The following BORCS5 variants were observed in gnomAD, a reference collection of about 807,000 sequenced individuals.
BORCS5 encodes BLOC-1-related complex subunit 5.
Under a neutral mutation model 22.1 loss-of-function variants are expected in BORCS5, and 17 were observed. That is an observed-to-expected ratio of 0.77 (90% CI 0.53 to 1.15). BORCS5 has a LOEUF of 1.15. Among genes scored for constraint, BORCS5 ranks in the 50% most tolerant of loss-of-function variants. BORCS5 has a pLI of 0.00. For missense variants in BORCS5, 247 were observed against 253.2 expected (o/e 0.98, Z 0.17); for synonymous variants, 117 against 99.8 (o/e 1.17, Z -1.03).
intron 2 of BORCS5, among the ~76,000 whole-genome samples, chr12:12,429,686 C>T (rs998329367): frequency 3.3e-5 from 5 of 152,174 alleles, no homozygotes; most frequent in African/African-American, 7.2e-5. Flanking sequence ...CTACTTCCCT[C>T]GTTTCCCTCA....
At position 12,394,552 on chromosome 12, in the gene BORCS5, A is replaced by T. The variant is rs1056244238; in HGVS notation, c.202+33203A>T. 1.7e-4 allele frequency among the ~76,000 whole-genome samples: 26 copies of T among 151,614 alleles called. 1 individual carries two copies. The highest frequency in any genetic ancestry group is 5.8e-4 in the African/African-American group (24 of 41,230). ...TTTTGCCGCCCTTTAAAAAAAAAAA[A>T]TTTAAAGAGACAGAGTACGTTGCCT... On this transcript the variant is annotated intron_variant, in intron 2 of 3. Transcript: ENST00000314565.
At chr12:12,361,445 T>C in intron 2 of BORCS5, 96 bp downstream of exon 2, 2 of 1,391,156 alleles carry the variant, frequency 1.4e-6, no homozygotes, top group Non-Finnish European at 2.0e-6. Flanking sequence ...TGCTCTCTCA[T>C]CTCCTTTAGG....
intron 2 of BORCS5, among the ~76,000 whole-genome samples, chr12:12,374,152 TA>T (rs1412856690): frequency 2.0e-5 from 3 of 150,678 alleles, no homozygotes; most frequent in African/African-American, 7.4e-5. Flanking sequence ...CACGTCTGGC[TA>T]ATTTTTTTTT....
At chr12:12,365,740 C>G (rs371718007) in intron 2 of BORCS5, among the ~76,000 whole-genome samples, 6 of 152,274 alleles carry the variant, frequency 3.9e-5, no homozygotes, top group African/African-American at 1.4e-4. Context: ...TCTTATCCCC[C>G]ATGCTTCTAC....
At chr12:12,405,087 G>A (rs1941564019) in intron 2 of BORCS5, among the ~76,000 whole-genome samples, 1 of 152,166 alleles carries the variant, frequency 6.6e-6, no homozygotes, top group Non-Finnish European at 1.5e-5. Context: ...GAGAGAGCAG[G>A]AATGTCAACA....
At chr12:12,429,437 A>G (rs1942366393) in intron 2 of BORCS5, among the ~76,000 whole-genome samples, 1 of 152,164 alleles carries the variant, frequency 6.6e-6, no homozygotes, top group Non-Finnish European at 1.5e-5. Context: ...TGCTCCTGCT[A>G]TGACCCGGGG....
chr12:12,446,232 T>C (rs1285502757), intron 3 of BORCS5, among the ~76,000 whole-genome samples: 1 of 151,238 alleles, frequency 6.6e-6, no homozygotes, highest in East Asian at 1.9e-4. Context: ...ATAAGATAGA[T>C]GGCATGTAAG....
At position 12,415,130 on chromosome 12, in the gene BORCS5, C is replaced by T. The variant is rs1174200514; in HGVS notation, c.203-20498C>T. ...TGGGGGGCCAGGCAGAGACGCTCCT[C>T]ACTTCCCAGACGGGGTGGCGGCTGG... On this transcript the variant is annotated intron_variant, in intron 2 of 3. Transcript: ENST00000314565. 4.5e-4 allele frequency among the ~76,000 whole-genome samples: 68 copies of T among 151,922 alleles called. 1 individual carries two copies. Among genetic ancestry groups the T allele is most frequent in the African/African-American group, 1.4e-3 (60 of 41,444 alleles).
rs1249001078 is a variant in BORCS5 at position 12,383,355 on chromosome 12, A to G, written c.202+22006A>G. ...ATTTGTAAACCCAAAACACAGTGTC[A>G]TAGTTACTTCCTTAAGGATGTTTGT... On this transcript the variant is annotated intron_variant, in intron 2 of 3. Coordinates refer to ENST00000314565, the MANE Select transcript of BORCS5 (RefSeq NM_058169.6). Among the ~76,000 whole-genome samples the G allele has an allele frequency of 1.3e-5, 2 of 151,358 alleles. 1 individual carries two copies. Among genetic ancestry groups the G allele is most frequent in the African/African-American group, 4.9e-5 (2 of 41,158 alleles).
intron 2 of BORCS5, among the ~76,000 whole-genome samples, chr12:12,385,367 C>T (rs1863857960): frequency 6.6e-6 from 1 of 151,468 alleles, no homozygotes; most frequent in Non-Finnish European, 1.5e-5. Flanking sequence ...CCAAATAAGT[C>T]AGCAGCCGCT....
intron 2 of BORCS5, among the ~76,000 whole-genome samples, chr12:12,370,624 G>T (rs541267069): frequency 6.6e-6 from 1 of 152,138 alleles, no homozygotes; most frequent in African/African-American, 2.4e-5. Flanking sequence ...ATTCAAATCA[G>T]TGCGGGAACA....
chr12:12,440,089 A>T (rs1396283600), intron 3 of BORCS5, among the ~76,000 whole-genome samples: 2 of 152,236 alleles, frequency 1.3e-5, no homozygotes, highest in Non-Finnish European at 2.9e-5. Flanking sequence ...GATCAACTAG[A>T]GGTCCCTAAG....
intron 2 of BORCS5, among the ~76,000 whole-genome samples, chr12:12,416,394 C>CT (rs1426107048): frequency 6.6e-6 from 1 of 151,320 alleles, no homozygotes; most frequent in Non-Finnish European, 1.5e-5. Context: ...TTTCTAGTTC[C>CT]TTAAGTTGTA....
At chr12:12,437,025 C>G (rs59783239) in intron 3 of BORCS5, among the ~76,000 whole-genome samples, 3,464 of 152,282 alleles carry the variant, frequency 0.023, 123 homozygotes, top group African/African-American at 0.078. Flanking sequence ...GTTCTCCCCT[C>G]CTCCCAGTAA....
chr12:12,429,012 G>T (rs114184612), intron 2 of BORCS5, among the ~76,000 whole-genome samples: 3 of 152,146 alleles, frequency 2.0e-5, no homozygotes, highest in African/African-American at 7.2e-5. Flanking sequence ...CCAGAAGCCC[G>T]CAGAGGCCAG....
intron 2 of BORCS5, among the ~76,000 whole-genome samples, chr12:12,413,570 TG>T: frequency 6.9e-6 from 1 of 144,158 alleles, no homozygotes; most frequent in East Asian, 2.0e-4. Context: ...ATTGTCATCA[TG>T]GCCCATCCCC....
intron 3 of BORCS5, among the ~76,000 whole-genome samples, chr12:12,462,119 A>G (rs1180861473): frequency 1.3e-5 from 2 of 152,218 alleles, no homozygotes; most frequent in African/African-American, 4.8e-5. Context: ...AGTGCATGGC[A>G]CATGGCACGT....
chr12:12,415,527 G>A (rs1195062367), intron 2 of BORCS5, among the ~76,000 whole-genome samples: 60 of 122,470 alleles, frequency 4.9e-4, no homozygotes, highest in Non-Finnish European at 4.8e-4. Context: ...CTCGGCATCA[G>A]AGGGAGACCG....
chr12:12,456,203 C>T (rs1010827444), intron 3 of BORCS5, among the ~76,000 whole-genome samples: 2 of 152,102 alleles, frequency 1.3e-5, no homozygotes, highest in Admixed American at 6.6e-5. Context: ...GGAGGCTGAG[C>T]GGGTGGATGG....
Sources: gnomAD v4.1 joint callset for allele counts (sites outside exome capture counted in the v4.1 genomes callset) on GRCh38, gnomAD v4.1.1 for gene constraint, MANE v1.5 for transcripts, NCBI Gene and HGNC (gene_info 2026-07-23, HGNC 2026-07-21) for gene names.